The following MMS19 variants were observed in gnomAD, a reference collection of about 807,000 sequenced individuals.
The protein encoded by MMS19 is MMS19 cytosolic iron-sulfur assembly component, also known as MMS19 nucleotide excision repair protein homolog.
MMS19 carries 77 observed loss-of-function variants against 129.8 expected under a neutral mutation model. That is an observed-to-expected ratio of 0.59 (90% CI 0.49 to 0.72). The LOEUF is 0.72. MMS19 is among the 30% of genes least tolerant of loss of function. The pLI is 0.00. For synonymous variants in MMS19, 491 were observed against 502.8 expected (o/e 0.98, Z 0.31); for missense variants, 1,168 against 1,266.3 (o/e 0.92, Z 1.18).
chr10:97,498,358 C>T lies in MMS19; in HGVS notation c.27G>A (p.Ala9=), dbSNP rs778002848. ...CCCATAGGGCACCCATAGGCGCCGC[C>T]GCCTCCACAGCCGCGGCAGCGGCCA... MAAAAAVE[A]AAPMGALWGL... The change falls in exon 1 of 31, where the codon GCG becomes GCA. Residue 9 remains alanine (A), a synonymous_variant. Transcript: ENST00000438925. 3 of 1,573,394 alleles carry T rather than the reference C, an allele frequency of 1.9e-6. No homozygotes were observed. The highest frequency in any genetic ancestry group is 4.7e-5 in the East Asian group (2 of 42,952).
chr10:97,484,867 C>T (rs1199536853), intron 1 of MMS19, among the ~76,000 whole-genome samples: 2 of 152,134 alleles, frequency 1.3e-5, no homozygotes, highest in African/African-American at 2.4e-5. Context: ...TAATCACAGC[C>T]TCCCAGGCTC....
rs1399579006 is a variant in MMS19 at position 97,482,739 on chromosome 10, C to CATATATATATATATATATATATAT, written c.161+1363_161+1364insATATATATATATATATATATATAT. On this transcript the variant is annotated intron_variant, in intron 2 of 30. Coordinates refer to ENST00000438925, the MANE Select transcript of MMS19 (RefSeq NM_022362.5). ...GTGTGTGTGTGTGTGTATATATATA[C>CATATATATATATATATATATATAT]ACACACACACACACACACACACACA... Among the ~76,000 whole-genome samples, 12 of 92,996 alleles carry CATATATATATATATATATATATAT rather than the reference C, an allele frequency of 1.3e-4. No homozygotes were observed. In the East Asian group the frequency reaches 4.0e-3, roughly 31 times the overall value. 61.0% of individuals were successfully genotyped at this position (92,996 alleles called of 152,430 possible). A position where few individuals can be genotyped will look rare whatever the true frequency, so the allele number is the denominator to read the frequency against.
chr10:97,461,103 C>A (rs1174848735), intron 23 of MMS19, 96 bp from the exon 24 acceptor site: 3 of 1,021,742 alleles, frequency 2.9e-6, no homozygotes, highest in Non-Finnish European at 4.3e-6. Flanking sequence ...CCCTGAGAAG[C>A]TGTTAGAAAG....
chr10:97,496,581 C>T (rs1051787061), intron 1 of MMS19, among the ~76,000 whole-genome samples: 5 of 149,300 alleles, frequency 3.3e-5, no homozygotes, highest in Admixed American at 3.3e-4. Context: ...CAAGATAAGA[C>T]ATTCAAGATG....
In MMS19 at chr10:97,460,060, T is replaced by C. The variant is rs759325904; in HGVS notation, c.2642A>G (p.His881Arg). Residue 881 changes from histidine (H) to arginine (R), a missense_variant, in exon 26 of 31, where the codon CAT becomes CGT. Around this residue, in one of 3 missense-constraint regions of MMS19, gnomAD observed 831 missense variants for 910.8 expected, o/e 0.91. Transcript: ENST00000438925. ...DNVPALVQGF[H>R]AAPQDVKPNY... is the part of the protein sequence containing the mutation. The stretch of plus-strand genomic sequence containing the variant: ...AGACTCCTCACCTTGGGGAGCAGCA[T>C]GGAAGCCCTGGACCAAAGCAGGCAC... The C allele has an allele frequency of 2.0e-5, 32 of 1,613,720 alleles. No homozygotes were observed. Among genetic ancestry groups the C allele is most frequent in the Non-Finnish European group, 2.5e-5 (30 of 1,179,764 alleles).
intron 1 of MMS19, among the ~76,000 whole-genome samples, chr10:97,486,849 G>A (rs1354854671): frequency 1.3e-5 from 1 of 74,922 alleles, no homozygotes; most frequent in Non-Finnish European, 3.1e-5. Context: ...AGCTTATCCT[G>A]AAATTAAAGT....
intron 1 of MMS19, among the ~76,000 whole-genome samples, chr10:97,487,318 C>CTTTT (rs201462938): frequency 1.5e-4 from 21 of 137,690 alleles, no homozygotes; most frequent in East Asian, 6.2e-4. Context: ...GAGAAAATTT[C>CTTTT]TTTTTTTTTT....
At position 97,458,857 on chromosome 10, in the gene MMS19, G is replaced by A. The variant is rs1194455662; in HGVS notation, c.3008C>T (p.Pro1003Leu). The change falls in exon 30 of 31, where the codon CCC becomes CTC. Residue 1003 changes from proline (P) to leucine (L), a missense_variant. Coordinates refer to ENST00000438925, the MANE Select transcript of MMS19 (RefSeq NM_022362.5). ...KPQVIRALAKPLDDKKRLVRK... is the reference protein window; with the variant it reads ...KPQVIRALAKLLDDKKRLVRK... ...CACCAGTCTCTTCTTGTCATCCAGG[G>A]GTTTGGCTAAGGCCCGAATCACCTG... The A allele has an allele frequency of 6.8e-6, 11 of 1,613,970 alleles. No individual in the cohort carries two copies. The highest frequency in any genetic ancestry group is 8.5e-6 in the Non-Finnish European group (10 of 1,179,886).
chr10:97,469,474 C>G (rs2034232137), intron 11 of MMS19, among the ~76,000 whole-genome samples, 172 bp downstream of exon 11: 2 of 152,178 alleles, frequency 1.3e-5, no homozygotes, highest in Admixed American at 1.3e-4. Flanking sequence ...CACATAGGGA[C>G]TCTCTCTCTT....
At chr10:97,475,746 A>T (rs2035638145) in intron 8 of MMS19, among the ~76,000 whole-genome samples, 1 of 152,238 alleles carries the variant, frequency 6.6e-6, no homozygotes, top group African/African-American at 2.4e-5. Context: ...CAAAAAAGCA[A>T]AAACCAAACC....
chr10:97,481,948 A>G (rs945831657), intron 2 of MMS19, among the ~76,000 whole-genome samples: 9 of 152,172 alleles, frequency 5.9e-5, no homozygotes, highest in African/African-American at 1.9e-4. Flanking sequence ...GAGACAGACG[A>G]GAGGATCACT....
At position 97,460,925 on chromosome 10, in the gene MMS19, G is replaced by C; in HGVS notation, c.2394C>G (p.Ala798=). The C allele has an allele frequency of 6.3e-7, 1 of 1,581,016 alleles. No individual in the cohort carries two copies. The highest frequency in any genetic ancestry group is 8.6e-7 in the Non-Finnish European group (1 of 1,162,634). The part of the protein sequence containing the change: ...GLGSGPCRSQ[A]FTLLLWVTKA... ...TCCTTACCCAGAGAAGAAGAGTGAA[G>C]GCCTGACTACGACAGGGCCCAGAGC... Residue 798 remains alanine (A), a synonymous_variant, in exon 24 of 31, where the codon GCC becomes GCG. Coordinates refer to ENST00000438925, the MANE Select transcript of MMS19 (RefSeq NM_022362.5).
chr10:97,476,752 AAC>A lies in MMS19; in HGVS notation c.623-10_623-9del. Reference sequence around the variant, plus strand: ...ACTCCTCCACAAAGGGTCCTGTGGCAACAGAGAAAAAATGAGGTTGGTTTATC... The same window carrying A: ...ACTCCTCCACAAAGGGTCCTGTGGCAAGAGAAAAAATGAGGTTGGTTTATC... On this transcript the variant is annotated splice_polypyrimidine_tract_variant and intron_variant, in intron 7 of 30. Coordinates refer to ENST00000438925, the MANE Select transcript of MMS19 (RefSeq NM_022362.5). 6.2e-7 allele frequency: 1 copy of A among 1,613,896 alleles called. No individual in the cohort carries two copies. The highest frequency in any genetic ancestry group is 2.2e-5 in the East Asian group (1 of 44,890).
At chr10:97,487,853 A>C (rs1304939408) in intron 1 of MMS19, among the ~76,000 whole-genome samples, 1 of 152,032 alleles carries the variant, frequency 6.6e-6, no homozygotes, top group Non-Finnish European at 1.5e-5. Context: ...ACAGTGGCTC[A>C]TGCCTGTAAT....
chr10:97,477,301 A>G (rs1360008012), intron 6 of MMS19, 46 bp downstream of exon 6: 2 of 1,613,880 alleles, frequency 1.2e-6, no homozygotes, highest in South Asian at 1.1e-5. Context: ...GGGAAAAAGT[A>G]GGATGTGCTT....
intron 18 of MMS19, among the ~76,000 whole-genome samples, chr10:97,465,490 A>G (rs779524700): frequency 2.1e-4 from 32 of 152,116 alleles, no homozygotes; most frequent in Non-Finnish European, 4.1e-4. Context: ...TTTTTAGTAG[A>G]GACTGGGTTT....
In MMS19 at chr10:97,460,048, T is replaced by G; in HGVS notation, c.2654A>C (p.Gln885Pro). The G allele has an allele frequency of 6.2e-7, 1 of 1,613,238 alleles. No homozygotes were observed. The highest frequency in any genetic ancestry group is 8.5e-7 in the Non-Finnish European group (1 of 1,179,290). The change falls in exon 26 of 31, where the codon CAA becomes CCA. Residue 885 changes from glutamine to proline, a missense_variant and splice_region_variant. Gln to Pro is a moderately conservative substitution (Grantham distance 76). Coordinates refer to ENST00000438925, the MANE Select transcript of MMS19 (RefSeq NM_022362.5). ...GGACCTTCTTTCAGACTCCTCACCT[T>G]GGGGAGCAGCATGGAAGCCCTGGAC... The part of the protein sequence containing the change: ...ALVQGFHAAP[Q>P]DVKPNYLKGL...
In MMS19 at chr10:97,461,840, G is replaced by T; in HGVS notation, c.2172C>A (p.Ser724=). The T allele has an allele frequency of 6.2e-7, 1 of 1,609,472 alleles. No individual in the cohort carries two copies. Among genetic ancestry groups the T allele is most frequent in the East Asian group, 2.2e-5 (1 of 44,758 alleles). Residue 724 remains serine, a synonymous_variant, in exon 22 of 31, where the codon TCC becomes TCA. Transcript: ENST00000438925. ...LIALLMAFVC[S]LPRNVEIPQL... The stretch of plus-strand genomic sequence containing the variant: ...TGTGCTCACTTACATTTCGAGGCAG[G>T]GAGCAGACAAAGGCCATAAGCAGTG...
intron 1 of MMS19, among the ~76,000 whole-genome samples, chr10:97,489,733 C>T (rs906938559): frequency 6.6e-6 from 1 of 152,208 alleles, no homozygotes; most frequent in Admixed American, 6.5e-5. Flanking sequence ...CCTTGTTTTT[C>T]ATGACCTTGA....
Sources: gnomAD v4.1 joint callset for allele counts (sites outside exome capture counted in the v4.1 genomes callset) on GRCh38, gnomAD v4.1.1 for gene constraint, gnomAD v4.1.1 regional missense constraint, MANE v1.5 for transcripts, NCBI Gene and HGNC (gene_info 2026-07-23, HGNC 2026-07-21) for gene names.